Variants in ZNF846 observed in about 807,000 individuals in gnomAD.
ZNF846 encodes the protein zinc finger protein 420 pseudogene.
In ZNF846, 15 loss-of-function variants were observed where a neutral mutation model predicts 16.0. The observed-to-expected ratio is 0.94, with a 90% CI of 0.63 to 1.45. The LOEUF is 1.45. ZNF846 is among the 40% of genes most tolerant of loss of function. The pLI is 0.00. For synonymous variants in ZNF846, 229 were observed against 212.0 expected, an observed-to-expected ratio of 1.08 and a Z score of -0.70; for missense variants, 714 against 622.3, an observed-to-expected ratio of 1.15 and a Z score of -1.57.
downstream of ZNF846, among the ~76,000 whole-genome samples, chr19:9,749,267 G>A (rs148367661): frequency 7.9e-5 from 12 of 152,026 alleles, no homozygotes; most frequent in East Asian, 2.1e-3. Context: ...TTTGCAACAG[G>A]GCTTTATGAA....
At chr19:9,782,679 C>T (rs1210465110) in intron 1 of ZNF846, among the ~76,000 whole-genome samples, 4 of 152,234 alleles carry the variant, frequency 2.6e-5, no homozygotes, top group Non-Finnish European at 4.4e-5. Context: ...TAGATTGTTA[C>T]ATGAGTAGGA....
upstream of ZNF846, among the ~76,000 whole-genome samples, chr19:9,770,928 T>C (rs934525631): frequency 8.6e-5 from 13 of 152,046 alleles, no homozygotes; most frequent in Admixed American, 8.5e-4. Context: ...AAAAAGAATA[T>C]AAATGTAAAC....
intron 4 of ZNF846, among the ~76,000 whole-genome samples, chr19:9,761,372 T>C (rs1317861389): frequency 6.7e-6 from 1 of 150,116 alleles, no homozygotes; most frequent in Non-Finnish European, 1.5e-5. Flanking sequence ...GTGAAGCAAA[T>C]GGAAAGATGG....
downstream of ZNF846, among the ~76,000 whole-genome samples, chr19:9,753,958 TATTAA>T (rs1468470595): frequency 1.3e-5 from 2 of 151,782 alleles, no homozygotes; most frequent in Non-Finnish European, 2.9e-5. Flanking sequence ...CTGTTCTACC[TATTAA>T]ATTGAAAGTG....
At chr19:9,774,899 A>C (rs2045423023) in intron 1 of ZNF846, 1 of 1,609,874 alleles carries the variant, frequency 6.2e-7, no homozygotes. Context: ...GGACCGTAAA[A>C]AATTCTGTAA....
intron 1 of ZNF846, among the ~76,000 whole-genome samples, chr19:9,785,220 T>C (rs2045545603): frequency 6.7e-6 from 1 of 150,154 alleles, no homozygotes; most frequent in African/African-American, 2.5e-5. Flanking sequence ...TTTTTTTTTT[T>C]TGAGACGGAG....
upstream of ZNF846, chr19:9,768,706 C>G (rs2045359967): frequency 6.6e-6 from 1 of 152,366 alleles, no homozygotes; most frequent in South Asian, 2.1e-4. Context: ...GAAAACCCAG[C>G]TAGGAAGCTG....
At chr19:9,749,934 T>C (rs941748405), downstream of ZNF846, among the ~76,000 whole-genome samples, 5 of 152,222 alleles carry the variant, frequency 3.3e-5, no homozygotes, top group East Asian at 7.7e-4. Context: ...TTTCTCTTTA[T>C]GTCAATTCCA....
chr19:9,782,428 T>C (rs2045511434), intron 1 of ZNF846, among the ~76,000 whole-genome samples: 1 of 152,084 alleles, frequency 6.6e-6, no homozygotes. Context: ...CCACACCTAA[T>C]TTTTAATTTT....
At chr19:9,754,754 C>T (rs971139628), downstream of ZNF846, among the ~76,000 whole-genome samples, 1 of 151,212 alleles carries the variant, frequency 6.6e-6, no homozygotes. Context: ...TTTTTGGTCC[C>T]TCATTTCCTA....
At chr19:9,773,776 C>T (rs745828483) in intron 1 of ZNF846, among the ~76,000 whole-genome samples, 4 of 151,648 alleles carry the variant, frequency 2.6e-5, no homozygotes, top group Non-Finnish European at 5.9e-5. Context: ...AGCGAAACTC[C>T]ATCTCAAAAA....
At chr19:9,764,808 A>G (rs2045288379) in intron 2 of ZNF846, 128 bp downstream of exon 2, 2 of 1,122,540 alleles carry the variant, frequency 1.8e-6, no homozygotes, top group Non-Finnish European at 1.3e-6. Flanking sequence ...AGAGAAATTC[A>G]CCTGGGGAGT....
chr19:9,751,199 G>A (rs1451000358), downstream of ZNF846, among the ~76,000 whole-genome samples: 2 of 151,880 alleles, frequency 1.3e-5, no homozygotes, highest in Admixed American at 6.6e-5. Flanking sequence ...TACAACAAAT[G>A]CTGCTTTTAA....
chr19:9,757,992 C>A (rs1385210766), exon 6 of ZNF846: 9 of 1,613,516 alleles, frequency 5.6e-6, no homozygotes, highest in Non-Finnish European at 6.8e-6. Flanking sequence ...CAGCTTCTCT[C>A]CACTGTGAAT....
upstream of ZNF846, among the ~76,000 whole-genome samples, chr19:9,770,701 C>G (rs942151624): frequency 6.6e-6 from 1 of 151,562 alleles, no homozygotes; most frequent in Non-Finnish European, 1.5e-5. Flanking sequence ...AACACGGTCT[C>G]TACTAAAAAA....
chr19:9,781,668 T>C (rs1378046712), intron 1 of ZNF846, among the ~76,000 whole-genome samples: 2 of 152,182 alleles, frequency 1.3e-5, no homozygotes, highest in African/African-American at 2.4e-5. Context: ...AAAAACTTTT[T>C]TCTTTACAGC....
At chr19:9,777,365 T>C (rs1045764751) in intron 1 of ZNF846, among the ~76,000 whole-genome samples, 3 of 151,118 alleles carry the variant, frequency 2.0e-5, no homozygotes, top group Non-Finnish European at 3.0e-5. Context: ...TTAAAAACAA[T>C]TGGGTGTGGA....
Position 9,764,933 on chromosome 19 carries a change from T to C in ZNF846, c.15+3A>G. On this transcript the variant is annotated splice_donor_region_variant and intron_variant, in intron 2 of 5. Transcript: ENST00000397902. ...TTTGAAGTTAGGTCTGCTTTCCACT[T>C]GCCTGAGAAGAATCCATCAGTAATC... 1.2e-6 allele frequency: 2 copies of C among 1,614,186 alleles called. No individual in the cohort carries two copies. Among genetic ancestry groups the C allele is most frequent in the African/African-American group, 1.3e-5 (1 of 75,060 alleles).
exon 6 of ZNF846, chr19:9,758,376 G>T (rs1233153887): frequency 6.2e-7 from 1 of 1,613,278 alleles, no homozygotes; most frequent in South Asian, 1.1e-5. Context: ...ATTACTGAAG[G>T]CTTTCCCACA....
Sources: gnomAD v4.1 joint callset for allele counts (sites outside exome capture counted in the v4.1 genomes callset) on GRCh38, gnomAD v4.1.1 for gene constraint, MANE v1.5 for transcripts, NCBI Gene and HGNC (gene_info 2026-07-23, HGNC 2026-07-21) for gene names.